The following ZMAT4 variants were observed in gnomAD, a reference collection of about 807,000 sequenced individuals.
The protein encoded by ZMAT4 is zinc finger matrin-type protein 4.
Under a neutral mutation model 28.7 loss-of-function variants are expected in ZMAT4, and 17 were observed. The observed-to-expected ratio is 0.59, with a 90% CI of 0.41 to 0.89. ZMAT4 has a LOEUF of 0.89. Among genes scored for constraint, ZMAT4 ranks in the 40% least tolerant of loss-of-function variants. The pLI is 0.00. For missense variants in ZMAT4, 240 were observed against 283.8 expected (o/e 0.85, Z 1.11); for synonymous variants, 117 against 109.2 (o/e 1.07, Z -0.44).
At chr8:40,774,374 T>G (rs1264336033) in intron 2 of ZMAT4, among the ~76,000 whole-genome samples, 1 of 152,116 alleles carries the variant, frequency 6.6e-6, no homozygotes, top group Non-Finnish European at 1.5e-5. Context: ...ATATCCATAT[T>G]GGTGAAGATG....
intron 5 of ZMAT4, among the ~76,000 whole-genome samples, chr8:40,586,715 C>G (rs565431871): frequency 6.6e-6 from 1 of 152,260 alleles, no homozygotes; most frequent in South Asian, 2.1e-4. Context: ...ATCCATTCTA[C>G]ATTAGAGACA....
intron 1 of ZMAT4, among the ~76,000 whole-genome samples, chr8:40,846,244 T>C (rs1816893361): frequency 6.6e-6 from 1 of 152,138 alleles, no homozygotes; most frequent in African/African-American, 2.4e-5. Flanking sequence ...TTTACATCTC[T>C]CTCTCTCCCT....
At chr8:40,878,133 G>A (rs1157036593) in intron 1 of ZMAT4, among the ~76,000 whole-genome samples, 1 of 152,102 alleles carries the variant, frequency 6.6e-6, no homozygotes, top group African/African-American at 2.4e-5. Flanking sequence ...AACATATAGC[G>A]GCTCCTCAGC....
At chr8:40,828,844 T>C (rs1816173884) in intron 1 of ZMAT4, among the ~76,000 whole-genome samples, 1 of 152,028 alleles carries the variant, frequency 6.6e-6, no homozygotes, top group Non-Finnish European at 1.5e-5. Context: ...ATGCAGAGAC[T>C]GGAATTCCCA....
chr8:40,551,241 T>G (rs1803360723), intron 6 of ZMAT4, among the ~76,000 whole-genome samples: 1 of 152,160 alleles, frequency 6.6e-6, no homozygotes, highest in Non-Finnish European at 1.5e-5. Flanking sequence ...AATACATGGA[T>G]GAATGAATGG....
chr8:40,535,357 C>T (rs932202356), intron 6 of ZMAT4, among the ~76,000 whole-genome samples: 3 of 152,102 alleles, frequency 2.0e-5, no homozygotes, highest in African/African-American at 7.2e-5. Flanking sequence ...TTAAGATAGA[C>T]TAGTAACAAC....
intron 2 of ZMAT4, among the ~76,000 whole-genome samples, chr8:40,814,663 A>G (rs1314173368): frequency 1.3e-5 from 2 of 152,242 alleles, no homozygotes; most frequent in South Asian, 4.1e-4. Flanking sequence ...CCATTTCTGA[A>G]AAAGATATAA....
intron 3 of ZMAT4, among the ~76,000 whole-genome samples, chr8:40,725,372 G>C (rs1811275261): frequency 6.6e-6 from 1 of 152,118 alleles, no homozygotes; most frequent in Non-Finnish European, 1.5e-5. Context: ...CCTTCCTCAG[G>C]GGGGATATCT....
intron 1 of ZMAT4, among the ~76,000 whole-genome samples, chr8:40,847,914 C>T (rs1229840494): frequency 6.6e-6 from 1 of 152,218 alleles, no homozygotes; most frequent in Non-Finnish European, 1.5e-5. Context: ...AACCTACCCA[C>T]AGATTACGTG....
Position 40,724,706 on chromosome 8 carries a change from T to A in ZMAT4, c.193-27305A>T, listed in dbSNP as rs191610013. ...AGACAATAACTTTCCCTAAGAGCAC[T>A]GGGGCCTTCACAGAGGAAGAAGCAT... On this transcript the variant is annotated intron_variant, in intron 3 of 6. Transcript: ENST00000297737. Among the ~76,000 whole-genome samples the A allele has an allele frequency of 1.1e-4, 16 of 152,272 alleles. No individual in the cohort carries two copies. The East Asian group carries it at 1.2e-3, about 11-fold the overall frequency.
chr8:40,772,099 A>G (rs530120672), intron 2 of ZMAT4, among the ~76,000 whole-genome samples: 15 of 152,342 alleles, frequency 9.8e-5, no homozygotes, highest in African/African-American at 3.4e-4. Context: ...CTGAGAGTCA[A>G]TCCCAGGCTC....
intron 5 of ZMAT4, among the ~76,000 whole-genome samples, chr8:40,669,463 C>A (rs1808579963): frequency 6.6e-6 from 1 of 151,758 alleles, no homozygotes; most frequent in African/African-American, 2.4e-5. Flanking sequence ...GCCTCTCCTT[C>A]CACCTTTTCC....
intron 4 of ZMAT4, among the ~76,000 whole-genome samples, chr8:40,694,476 C>T (rs1277376786): frequency 6.6e-6 from 1 of 152,152 alleles, no homozygotes. Flanking sequence ...GAACCCAGGA[C>T]TGCAGCAGGC....
chr8:40,612,962 G>A (rs1186370748), intron 5 of ZMAT4, among the ~76,000 whole-genome samples: 3 of 151,676 alleles, frequency 2.0e-5, no homozygotes, highest in South Asian at 2.1e-4. Flanking sequence ...ACAGGTGCCC[G>A]CCACCAGGGC....
intron 3 of ZMAT4, among the ~76,000 whole-genome samples, chr8:40,719,007 G>A (rs1810968834): frequency 6.6e-6 from 1 of 152,208 alleles, no homozygotes; most frequent in African/African-American, 2.4e-5. Context: ...AATTCTTGGA[G>A]GCAACTTCAA....
At chr8:40,697,105 A>G (rs1323166915) in intron 4 of ZMAT4, 140 bp downstream of exon 4, 3 of 1,008,136 alleles carry the variant, frequency 3.0e-6, no homozygotes, top group East Asian at 5.1e-5. Context: ...GAGGTCAGCC[A>G]CTCATCCCTT....
chr8:40,614,190 C>T (rs1032034825), intron 5 of ZMAT4, among the ~76,000 whole-genome samples: 1 of 152,156 alleles, frequency 6.6e-6, no homozygotes. Flanking sequence ...AAGGAAGTGT[C>T]AGCATTTTAA....
chr8:40,820,663 GTGTATGTGTGTCTA>G (rs1313770957), intron 2 of ZMAT4, among the ~76,000 whole-genome samples: 42 of 47,876 alleles, frequency 8.8e-4, no homozygotes, highest in Non-Finnish European at 1.4e-3. Flanking sequence ...GTGTGTTTAC[GTGTATGTGTGTCTA>G]TGTGTGTGTG....
chr8:40,874,178 A>G (rs1357513435), intron 1 of ZMAT4, among the ~76,000 whole-genome samples: 1 of 152,178 alleles, frequency 6.6e-6, no homozygotes, highest in East Asian at 1.9e-4. Flanking sequence ...TTAAGTTCTG[A>G]GCACTCAGCA....
Sources: gnomAD v4.1 joint callset for allele counts (sites outside exome capture counted in the v4.1 genomes callset) on GRCh38, gnomAD v4.1.1 for gene constraint, MANE v1.5 for transcripts, NCBI Gene and HGNC (gene_info 2026-07-23, HGNC 2026-07-21) for gene names.